The following MGAT4A variants were observed in gnomAD, a reference collection of about 807,000 sequenced individuals.
The protein encoded by MGAT4A is N-acetylglucosaminyltransferase IVa.
In MGAT4A, 33 loss-of-function variants were observed where a neutral mutation model predicts 74.1. That is an observed-to-expected ratio of 0.45 (90% CI 0.34 to 0.60). The LOEUF (loss-of-function observed/expected upper bound fraction) is 0.60. Among genes scored for constraint, MGAT4A ranks in the 20% least tolerant of loss-of-function variants. The probability of loss-of-function intolerance (pLI) is 0.02; values close to 1 mark genes in which losing one functional copy is unlikely to be tolerated. For missense variants in MGAT4A, 479 were observed against 628.3 expected (o/e 0.76, Z 2.54); for synonymous variants, 198 against 210.4 (o/e 0.94, Z 0.51).
At position 98,720,156 on chromosome 2, in the gene MGAT4A, G is replaced by T. The variant is rs536077077; in HGVS notation, c.94+6083C>A. Among the ~76,000 whole-genome samples the T allele has an allele frequency of 6.8e-4, 104 of 152,332 alleles. 1 individual carries two copies. Among genetic ancestry groups the T allele is most frequent in the African/African-American group, 2.4e-3 (100 of 41,578 alleles). ...AAGTAAAAATTCACTAGAGGACCTT[G>T]TGATGGTTAATTTTATGTGTCAATC... is the stretch of plus-strand genomic sequence containing the variant. On this transcript the variant is annotated intron_variant, in intron 2 of 15. Transcript: ENST00000393487.
chr2:98,668,581 C>A (rs950467890), intron 4 of MGAT4A, among the ~76,000 whole-genome samples: 1 of 152,216 alleles, frequency 6.6e-6, no homozygotes, highest in Non-Finnish European at 1.5e-5. Context: ...GTCAGAGCCC[C>A]CCCAGCAGAG....
chr2:98,672,761 A>G (rs1286977476), intron 4 of MGAT4A, among the ~76,000 whole-genome samples: 1 of 152,192 alleles, frequency 6.6e-6, no homozygotes, highest in Non-Finnish European at 1.5e-5. Flanking sequence ...ATGTCTAGCT[A>G]AAATTCCATA....
chr2:98,696,025 G>A (rs1186977701), intron 2 of MGAT4A, among the ~76,000 whole-genome samples: 1 of 151,818 alleles, frequency 6.6e-6, no homozygotes, highest in East Asian at 1.9e-4. Context: ...GGGATTACAG[G>A]CATGCACCAC....
At chr2:98,680,079 C>T (rs555607932) in intron 2 of MGAT4A, among the ~76,000 whole-genome samples, 92 of 145,156 alleles carry the variant, frequency 6.3e-4, no homozygotes, top group Non-Finnish European at 9.9e-4. Context: ...CTCACTCTGT[C>T]GCCCAGGCTT....
chr2:98,649,572 C>T (rs1701548055), intron 8 of MGAT4A, among the ~76,000 whole-genome samples: 1 of 152,196 alleles, frequency 6.6e-6, no homozygotes, highest in African/African-American at 2.4e-5. Flanking sequence ...CAAAGGCCAT[C>T]AGTTGGCACC....
chr2:98,629,776 G>A (rs545929424), intron 14 of MGAT4A, among the ~76,000 whole-genome samples: 3 of 152,242 alleles, frequency 2.0e-5, no homozygotes, highest in South Asian at 2.1e-4. Context: ...AGCCACAGTC[G>A]CTCACACCTG....
chr2:98,625,731 G>C lies in MGAT4A; in HGVS notation c.1573C>G (p.Leu525Val). 3 of 1,609,422 alleles carry C rather than the reference G, an allele frequency of 1.9e-6. No homozygotes were observed. The highest frequency in any genetic ancestry group is 1.3e-5 in the African/African-American group (1 of 74,908). Residue 525 changes from leucine (L) to valine (V), a missense_variant, in exon 15 of 16, where the codon CTT (leucine) becomes GTT (valine). Leu to Val is a conservative substitution (Grantham distance 32). Around this residue, in one of 3 missense-constraint regions of MGAT4A, gnomAD observed 236 missense variants for 308.2 expected, o/e 0.77. Coordinates refer to ENST00000393487, the MANE Select transcript of MGAT4A (RefSeq NM_012214.3). Reference sequence around the variant, plus strand: ...ATTTGATATATGCTTACCTCATTAAGAATGGCCCAAACAGCAGAATTCTGA... The same window carrying C: ...ATTTGATATATGCTTACCTCATTAACAATGGCCCAAACAGCAGAATTCTGA... ...VIQNSAVWAI[L>V]NEIHIKKATN is the part of the protein sequence containing the mutation.
At chr2:98,673,766 T>C (rs150171636) in intron 4 of MGAT4A, among the ~76,000 whole-genome samples, 2 of 152,262 alleles carry the variant, frequency 1.3e-5, no homozygotes, top group African/African-American at 2.4e-5. Flanking sequence ...GATACTCTTA[T>C]GAATGAAGAA....
chr2:98,649,701 G>T (rs1211696845), intron 8 of MGAT4A, among the ~76,000 whole-genome samples: 1 of 151,946 alleles, frequency 6.6e-6, no homozygotes, highest in East Asian at 1.9e-4. Context: ...ACTTCAATTA[G>T]GAGATTACAC....
intron 2 of MGAT4A, among the ~76,000 whole-genome samples, chr2:98,704,459 C>T (rs559136607): frequency 6.6e-6 from 1 of 152,120 alleles, no homozygotes; most frequent in Admixed American, 6.5e-5. Flanking sequence ...AAATACAAAA[C>T]TTAGCAGGGT....
At chr2:98,695,754 T>C (rs549268805) in intron 2 of MGAT4A, among the ~76,000 whole-genome samples, 70 of 152,326 alleles carry the variant, frequency 4.6e-4, no homozygotes, top group Admixed American at 1.6e-3. Context: ...AAAAAACTTA[T>C]GTAGAGGACA....
At chr2:98,678,073 C>CA (rs1467997200) in intron 3 of MGAT4A, among the ~76,000 whole-genome samples, 63 of 149,948 alleles carry the variant, frequency 4.2e-4, no homozygotes, top group African/African-American at 1.5e-3. Context: ...ACTAATAATA[C>CA]AAAAAAATTA....
At position 98,731,110 on chromosome 2, in the gene MGAT4A, C is replaced by CG. The variant is rs1559179708; in HGVS notation, c.-299_-298insC. 1.4e-5 allele frequency: 1 copy of CG among 72,826 alleles called. No homozygotes were observed. Among genetic ancestry groups the CG allele is most frequent in the Non-Finnish European group, 2.4e-5 (1 of 42,376 alleles). The allele number at this position is 72,826 out of a possible 1,614,324, so 4.5% of individuals were successfully genotyped here. On this transcript the variant is annotated 5_prime_UTR_variant, in exon 1 of 16. Transcript: ENST00000393487. This position sits in a 1 kb window ranked among gnomAD's most constrained non-coding sequence, Gnocchi z 4.8. The stretch of plus-strand genomic sequence containing the variant: ...GGAGCTGCTGTAGCCGCCGCCGCCG[C>CG]TGCCGCCGCCGCTGCGGGCCGCCCC...
At chr2:98,705,531 T>C (rs907962694) in intron 2 of MGAT4A, among the ~76,000 whole-genome samples, 1 of 152,216 alleles carries the variant, frequency 6.6e-6, no homozygotes, top group Non-Finnish European at 1.5e-5. Flanking sequence ...AGTGCCCTGC[T>C]CTGGACAGTA....
At chr2:98,717,254 C>CT (rs889763497) in intron 2 of MGAT4A, among the ~76,000 whole-genome samples, 1 of 151,988 alleles carries the variant, frequency 6.6e-6, no homozygotes, top group African/African-American at 2.4e-5. Context: ...TAGAGGGCAC[C>CT]TGTAATCTCA....
intron 12 of MGAT4A, among the ~76,000 whole-genome samples, chr2:98,639,180 C>T (rs530172052): frequency 2.6e-5 from 4 of 151,630 alleles, no homozygotes; most frequent in Admixed American, 6.6e-5. Context: ...CCAGCTACTT[C>T]GGAGGCTGAG....
chr2:98,642,791 C>A (rs1031099214), intron 10 of MGAT4A, among the ~76,000 whole-genome samples: 1 of 152,208 alleles, frequency 6.6e-6, no homozygotes, highest in African/African-American at 2.4e-5. Flanking sequence ...AACAGATACT[C>A]TGCCATTGCT....
intron 2 of MGAT4A, among the ~76,000 whole-genome samples, chr2:98,709,526 G>A (rs1436056854): frequency 6.6e-6 from 1 of 152,044 alleles, no homozygotes; most frequent in Non-Finnish European, 1.5e-5. Flanking sequence ...TGAAGTTCAA[G>A]TTTTTAAGTT....
Position 98,625,274 on chromosome 2 carries a change from T to C in MGAT4A, c.*292A>G. On this transcript the variant is annotated 3_prime_UTR_variant, in exon 16 of 16. Transcript: ENST00000393487. ...TAGTTTTTCTCAAATTTAAAGAATG[T>C]AACAATATGTACAACTCTTATGTAT... 9.8e-7 allele frequency: 1 copy of C among 1,018,978 alleles called. No individual in the cohort carries two copies. The highest frequency in any genetic ancestry group is 1.2e-6 in the Non-Finnish European group (1 of 830,980). The allele number at this position is 1,018,978 out of a possible 1,614,324, so 63.1% of individuals were successfully genotyped here. A position where few individuals can be genotyped will look rare whatever the true frequency, so the allele number is the denominator to read the frequency against.
Sources: gnomAD v4.1 joint callset for allele counts (sites outside exome capture counted in the v4.1 genomes callset) on GRCh38, gnomAD v4.1.1 for gene constraint, gnomAD v4.1.1 regional missense constraint, Gnocchi (gnomAD v3.1) non-coding constraint, MANE v1.5 for transcripts, NCBI Gene and HGNC (gene_info 2026-07-23, HGNC 2026-07-21) for gene names.